Variants in ITGA9 observed in about 807,000 individuals in gnomAD.
ITGA9 encodes integrin subunit alpha 9.
A neutral mutation model predicts 127.8 loss-of-function variants in ITGA9; 56 were observed. That is an observed-to-expected ratio of 0.44 (90% CI 0.35 to 0.55). The LOEUF is 0.55. ITGA9 is among the 20% of genes least tolerant of loss of function. The pLI is 0.00. For synonymous variants in ITGA9, 508 were observed against 514.5 expected, an observed-to-expected ratio of 0.99 and a Z score of 0.17; for missense variants, 1,196 against 1,347.1, an observed-to-expected ratio of 0.89 and a Z score of 1.76.
At chr3:37,606,715 C>CA in intron 15 of ITGA9, among the ~76,000 whole-genome samples, 1 of 152,202 alleles carries the variant, frequency 6.6e-6, no homozygotes, top group South Asian at 2.1e-4. Flanking sequence ...GAATGGGGGT[C>CA]ATTAGAAGGC....
At chr3:37,686,408 T>G (rs1488769662) in intron 18 of ITGA9, among the ~76,000 whole-genome samples, 1 of 152,192 alleles carries the variant, frequency 6.6e-6, no homozygotes, top group Non-Finnish European at 1.5e-5. Context: ...AGCATCATTT[T>G]CTACCCCTGT....
chr3:37,769,050 A>G (rs1483440935), intron 23 of ITGA9, among the ~76,000 whole-genome samples: 1 of 152,104 alleles, frequency 6.6e-6, no homozygotes, highest in Non-Finnish European at 1.5e-5. Flanking sequence ...TTAAAAATAT[A>G]CTAATAGGCC....
intron 15 of ITGA9, among the ~76,000 whole-genome samples, chr3:37,559,139 T>C (rs1699460712): frequency 6.6e-6 from 1 of 152,248 alleles, no homozygotes. Flanking sequence ...GTTCCAGCGT[T>C]GTTTCTTCCT....
At chr3:37,658,265 T>C (rs1186846309) in intron 17 of ITGA9, among the ~76,000 whole-genome samples, 1 of 151,978 alleles carries the variant, frequency 6.6e-6, no homozygotes, top group East Asian at 1.9e-4. Flanking sequence ...TGTCTCATGA[T>C]CTAATATTTG....
chr3:37,585,911 T>C (rs1365915663), intron 15 of ITGA9, among the ~76,000 whole-genome samples: 5 of 152,218 alleles, frequency 3.3e-5, no homozygotes, highest in Non-Finnish European at 5.9e-5. Flanking sequence ...CCAGATCCAG[T>C]TGGGCCTGGG....
chr3:37,488,439 G>T (rs1201179319), intron 4 of ITGA9, among the ~76,000 whole-genome samples: 1 of 152,064 alleles, frequency 6.6e-6, no homozygotes, highest in Non-Finnish European at 1.5e-5. Context: ...TTGGCAAAAT[G>T]GGTTGCTAAG....
chr3:37,695,110 A>G (rs541985666), intron 18 of ITGA9, among the ~76,000 whole-genome samples: 3 of 152,174 alleles, frequency 2.0e-5, no homozygotes, highest in Non-Finnish European at 4.4e-5. Flanking sequence ...CAGCTTAGGA[A>G]GCTGAGTTTT....
chr3:37,644,545 A>G (rs770343426), intron 16 of ITGA9, among the ~76,000 whole-genome samples: 17 of 152,192 alleles, frequency 1.1e-4, no homozygotes, highest in Non-Finnish European at 2.4e-4. Flanking sequence ...GAATATATCA[A>G]TGTGGCAAAA....
At chr3:37,655,587 A>G (rs1700469887) in intron 17 of ITGA9, among the ~76,000 whole-genome samples, 1 of 151,866 alleles carries the variant, frequency 6.6e-6, no homozygotes, top group African/African-American at 2.4e-5. Flanking sequence ...TAGATTCTGG[A>G]TATTAGCCCT....
intron 3 of ITGA9, among the ~76,000 whole-genome samples, chr3:37,480,314 C>T (rs554088563): frequency 6.6e-6 from 1 of 152,326 alleles, no homozygotes; most frequent in East Asian, 1.9e-4. Context: ...TGCCCTGCCT[C>T]ATGGTGTCTT....
intron 4 of ITGA9, among the ~76,000 whole-genome samples, chr3:37,489,552 C>A (rs1344674058): frequency 6.6e-6 from 1 of 152,218 alleles, no homozygotes; most frequent in Non-Finnish European, 1.5e-5. Context: ...GCTTAGTCAT[C>A]AGTTATTTTC....
chr3:37,520,650 G>A (rs155524), intron 11 of ITGA9, among the ~76,000 whole-genome samples: 95,894 of 152,130 alleles, frequency 0.63, 30,710 homozygotes, highest in East Asian at 0.86. Context: ...TTCATTAGAA[G>A]TACATAACAG....
intron 4 of ITGA9, among the ~76,000 whole-genome samples, chr3:37,486,443 C>A (rs1698611012): frequency 6.6e-6 from 1 of 152,204 alleles, no homozygotes; most frequent in Non-Finnish European, 1.5e-5. Flanking sequence ...AGATTAAGAT[C>A]TACTTAAGAG....
intron 17 of ITGA9, among the ~76,000 whole-genome samples, chr3:37,657,271 G>C (rs1213668089): frequency 6.6e-6 from 1 of 152,186 alleles, no homozygotes; most frequent in Non-Finnish European, 1.5e-5. Flanking sequence ...AATGATACCA[G>C]ATCCTCTTTG....
At chr3:37,611,934 C>A (rs1481481247) in intron 15 of ITGA9, among the ~76,000 whole-genome samples, 1 of 152,138 alleles carries the variant, frequency 6.6e-6, no homozygotes, top group Non-Finnish European at 1.5e-5. Flanking sequence ...ACTCTGAGCA[C>A]TGAAGCAGCT....
intron 4 of ITGA9, among the ~76,000 whole-genome samples, chr3:37,493,576 A>G (rs1055232648): frequency 4.6e-5 from 7 of 152,132 alleles, no homozygotes; most frequent in African/African-American, 1.4e-4. Flanking sequence ...ACTTTGCAGA[A>G]CCTTTGATGG....
At chr3:37,796,054 C>T (rs377382617) in intron 26 of ITGA9, among the ~76,000 whole-genome samples, 1 of 152,128 alleles carries the variant, frequency 6.6e-6, no homozygotes, top group Non-Finnish European at 1.5e-5. Context: ...AACATCTTCC[C>T]GCTGCTTCTT....
chr3:37,537,099 G>A (rs187719011), intron 14 of ITGA9, among the ~76,000 whole-genome samples: 3 of 152,188 alleles, frequency 2.0e-5, no homozygotes, highest in Non-Finnish European at 2.9e-5. Context: ...CACTTCCTTG[G>A]GGTTATCAGA....
In ITGA9 at chr3:37,523,526, G is replaced by T. The variant is rs368456899; in HGVS notation, c.1242G>T (p.Leu414=). 2.8e-5 allele frequency: 45 copies of T among 1,613,416 alleles called. No homozygotes were observed. Among genetic ancestry groups the T allele is most frequent in the Non-Finnish European group, 4.2e-6 (5 of 1,179,578 alleles). Residue 414 remains leucine, a synonymous_variant, in exon 12 of 28, where the codon CTG becomes CTT. Transcript: ENST00000264741. Reference sequence around the variant, plus strand: ...TTCCCTATTATCTGTTTCAGAAACTGTCTGGGCAGAAGATAAATCCAGTGC... The same window carrying T: ...TTCCCTATTATCTGTTTCAGAAACTTTCTGGGCAGAAGATAAATCCAGTGC... ...GGIVPQYSMK[L]SGQKINPVLR... is the part of the protein sequence containing the mutation.
Sources: allele counts gnomAD v4.1 joint callset (sites outside exome capture counted in the v4.1 genomes callset), GRCh38; gene constraint gnomAD v4.1.1; transcripts MANE v1.5; gene names NCBI Gene and HGNC (gene_info 2026-07-23, HGNC 2026-07-21).